Variants in MFSD8 observed in about 807,000 individuals in gnomAD.
MFSD8 encodes major facilitator superfamily domain containing 8.
In MFSD8, 55 loss-of-function variants were observed where a neutral mutation model predicts 66.4. The ratio of observed to expected loss-of-function variants is 0.83; its 90% CI spans 0.67 to 1.04. MFSD8 has a LOEUF of 1.04. Among genes scored for constraint, MFSD8 ranks in the 50% least tolerant of loss-of-function variants. MFSD8 has a pLI of 0.00. For synonymous variants in MFSD8, 202 were observed against 212.8 expected (o/e 0.95, Z 0.44); for missense variants, 550 against 627.6 (o/e 0.88, Z 1.32).
chr4:127,950,725 G>T (rs1424319290), intron 2 of MFSD8, among the ~76,000 whole-genome samples: 1 of 151,404 alleles, frequency 6.6e-6, no homozygotes, highest in East Asian at 2.0e-4. Flanking sequence ...AATAAATGTT[G>T]GGCAAATCAA....
chr4:127,940,550 GTA>G (rs1247015734), intron 5 of MFSD8, among the ~76,000 whole-genome samples: 19 of 146,306 alleles, frequency 1.3e-4, no homozygotes, highest in African/African-American at 4.5e-4. Flanking sequence ...GTGTGTGTGT[GTA>G]TATATTTATT....
chr4:127,947,573 A>G (rs897973663), intron 3 of MFSD8, among the ~76,000 whole-genome samples: 2 of 140,304 alleles, frequency 1.4e-5, no homozygotes, highest in Non-Finnish European at 3.1e-5. Context: ...GCAAGACTCC[A>G]TTGCAAAAAA....
In MFSD8 at chr4:127,939,907, AAAACTGGTGTTGTATAC is replaced by A. The variant is rs1578889355; in HGVS notation, c.627_643del (p.Met209IlefsTer3). ...TAAAATTCCCAGGAAGGCGCTAAGT[AAAACTGGTGTTGTATAC>A]ATGTTTATCTGCAGTTTAATCACAT... On this transcript the variant is annotated frameshift_variant, in exon 6 of 12. Transcript: ENST00000641686. LOFTEE classifies it high-confidence loss of function. The A allele has an allele frequency of 6.2e-7, 1 of 1,613,654 alleles. No individual in the cohort carries two copies. Among genetic ancestry groups the A allele is most frequent in the Non-Finnish European group, 8.5e-7 (1 of 1,179,734 alleles).
chr4:127,944,756 G>GC (rs1461534690), intron 3 of MFSD8, among the ~76,000 whole-genome samples: 1 of 152,034 alleles, frequency 6.6e-6, no homozygotes, highest in Non-Finnish European at 1.5e-5. Context: ...GACCTTTGAG[G>GC]CCCAAGTGAT....
chr4:127,938,265 A>G (rs948713084), intron 7 of MFSD8, among the ~76,000 whole-genome samples: 3 of 152,272 alleles, frequency 2.0e-5, no homozygotes, highest in African/African-American at 7.2e-5. Flanking sequence ...CTTGTCAATC[A>G]TGACCACCAA....
intron 2 of MFSD8, among the ~76,000 whole-genome samples, chr4:127,956,506 A>G (rs1742902475): frequency 6.6e-6 from 1 of 151,082 alleles, no homozygotes; most frequent in Non-Finnish European, 1.5e-5. Flanking sequence ...TCTTGAAAAA[A>G]AAAAAAAAAG....
intron 9 of MFSD8, among the ~76,000 whole-genome samples, chr4:127,926,150 G>C (rs1578817612): frequency 6.6e-6 from 1 of 150,716 alleles, no homozygotes; most frequent in Non-Finnish European, 1.5e-5. Context: ...TGGGTTGATG[G>C]GTGCAGCAAA....
chr4:127,948,869 A>ACTT (rs1741494130), intron 3 of MFSD8, among the ~76,000 whole-genome samples: 1 of 152,164 alleles, frequency 6.6e-6, no homozygotes, highest in African/African-American at 2.4e-5. Flanking sequence ...TCAAACTAGG[A>ACTT]CTTCTCAGCC....
chr4:127,921,514 C>T lies in MFSD8; in HGVS notation c.1350+10G>A. 6.2e-7 allele frequency: 1 copy of T among 1,614,076 alleles called. No homozygotes were observed. The highest frequency in any genetic ancestry group is 8.5e-7 in the Non-Finnish European group (1 of 1,180,034). On this transcript the variant is annotated intron_variant, in intron 11 of 11. Transcript: ENST00000641686. ...TTTCTATAATTGCAATGTCAGGGTACCTGGCTTACCTGAGGTTTTGGTCCT... is the reference window on the plus strand; with the variant it reads ...TTTCTATAATTGCAATGTCAGGGTATCTGGCTTACCTGAGGTTTTGGTCCT...
chr4:127,940,068 T>C, intron 5 of MFSD8, 71 bp from the exon 6 acceptor site: 1 of 1,349,696 alleles, frequency 7.4e-7, no homozygotes. Flanking sequence ...GAAAAAGACA[T>C]TTACAACAGA....
chr4:127,925,399 A>T (rs1375014473), intron 9 of MFSD8, among the ~76,000 whole-genome samples: 1 of 152,180 alleles, frequency 6.6e-6, no homozygotes, highest in Non-Finnish European at 1.5e-5. Context: ...TTTACAAGAA[A>T]AAAACAACCC....
At chr4:127,936,104 T>C (rs1220922576) in intron 7 of MFSD8, among the ~76,000 whole-genome samples, 2 of 152,142 alleles carry the variant, frequency 1.3e-5, no homozygotes, top group Non-Finnish European at 1.5e-5. Context: ...AGTATTTGGA[T>C]TGTATTTATA....
At chr4:127,953,944 T>C (rs547440827) in intron 2 of MFSD8, among the ~76,000 whole-genome samples, 1 of 152,248 alleles carries the variant, frequency 6.6e-6, no homozygotes, top group African/African-American at 2.4e-5. Flanking sequence ...AAATAGAAAA[T>C]ATATGGAAAA....
intron 7 of MFSD8, 150 bp downstream of exon 7, chr4:127,938,633 A>T (rs1483076448): frequency 3.6e-5 from 11 of 302,868 alleles, no homozygotes; most frequent in South Asian, 1.9e-4. Context: ...ATAAATAAAT[A>T]AATTTAGGTC....
chr4:127,965,213 CA>C, upstream of MFSD8: 2 of 1,561,968 alleles, frequency 1.3e-6, no homozygotes, highest in Non-Finnish European at 1.8e-6. Flanking sequence ...GTGAAGCTGG[CA>C]AAACAAGCCT....
At chr4:127,934,631 G>A (rs1738738191) in intron 7 of MFSD8, 1 of 147,660 alleles carries the variant, frequency 6.8e-6, no homozygotes, top group Non-Finnish European at 1.5e-5. Flanking sequence ...CCAGGCTGGA[G>A]TGCAGAGACC....
intron 7 of MFSD8, among the ~76,000 whole-genome samples, chr4:127,934,174 T>C (rs1007418402): frequency 1.3e-5 from 2 of 152,140 alleles, no homozygotes; most frequent in East Asian, 3.9e-4. Flanking sequence ...ACCAGGAGAC[T>C]GAGGTTGCAG....
chr4:127,921,080 G>A lies in MFSD8; in HGVS notation c.1351-244C>T, dbSNP rs1736278780. On this transcript the variant is annotated intron_variant, in intron 11 of 11. Coordinates refer to ENST00000641686, the MANE Select transcript of MFSD8 (RefSeq NM_001371596.2). ...CTGAAGCCCTGGGAATAATAAAATT[G>A]ATTAAAATACCTTTTAAAGCTAACA... The A allele has an allele frequency of 8.7e-6, 5 of 573,326 alleles. No individual in the cohort carries two copies. The South Asian group carries it at 8.9e-5, about 10-fold the overall frequency. 35.5% of individuals were successfully genotyped at this position (573,326 alleles called of 1,614,324 possible). A position where few individuals can be genotyped will look rare whatever the true frequency, so the allele number is the denominator to read the frequency against.
rs796052740 is a variant in MFSD8 at position 127,965,130 on chromosome 4, C to A, written c.4G>T (p.Ala2Ser). 1.9e-6 allele frequency: 3 copies of A among 1,613,878 alleles called. No individual in the cohort carries two copies. The highest frequency in any genetic ancestry group is 1.7e-5 in the Admixed American group (1 of 60,002). ...TGTTCACTTTCGTTCCGCAGGCCGG[C>A]CATAGTTACACTCCCTACAAGGCGT... Reference protein sequence around the residue: MAGLRNESEQEP... With the variant: MSGLRNESEQEP... Residue 2 changes from alanine (A) to serine (S), a missense_variant, in exon 1 of 12, where the codon GCC becomes TCC. Ala to Ser is a moderately conservative substitution (Grantham distance 99). Transcript: ENST00000641686.
Sources: allele counts gnomAD v4.1 joint callset (sites outside exome capture counted in the v4.1 genomes callset), GRCh38; gene constraint gnomAD v4.1.1; transcripts MANE v1.5; gene names NCBI Gene and HGNC (gene_info 2026-07-23, HGNC 2026-07-21).